LYPLA1: variants seen among roughly 807,000 people sequenced by gnomAD.
LYPLA1 encodes acyl-protein thioesterase 1.
In LYPLA1, 17 loss-of-function variants were observed where a neutral mutation model predicts 34.0. The observed-to-expected ratio is 0.50, with a 90% CI of 0.34 to 0.75. The LOEUF (loss-of-function observed/expected upper bound fraction) is 0.75, where lower values mean the gene tolerates loss of function less well. Ranked by LOEUF, LYPLA1 falls within the 30% of genes least tolerant of loss-of-function variation. The pLI, the probability that LYPLA1 is intolerant of heterozygous loss-of-function variation, is 0.01. For synonymous variants in LYPLA1, 98 were observed against 100.8 expected, an observed-to-expected ratio of 0.97 and a Z score of 0.17; for missense variants, 203 against 288.8, an observed-to-expected ratio of 0.70 and a Z score of 2.15.
chr8:54,063,408 A>G (rs752182705), intron 3 of LYPLA1, 33 bp from the exon 4 acceptor site: 55 of 1,349,192 alleles, frequency 4.1e-5, no homozygotes, highest in Non-Finnish European at 5.6e-5. Flanking sequence ...CAAAATCAGA[A>G]TAACAAAGCA....
rs527926283 is a variant in LYPLA1, at chr8:54,081,727, T to G, written c.102-15914A>C. ...ACTGCGCCCAGCCTTTCTTTTCGTT[T>G]TTTTTTTTTTTGAGACAGAGTTCTG... On this transcript the variant is annotated intron_variant, in intron 2 of 8. Coordinates refer to ENST00000316963, the MANE Select transcript of LYPLA1 (RefSeq NM_006330.4). Among the ~76,000 whole-genome samples, 3 of 150,858 alleles carry G rather than the reference T, an allele frequency of 2.0e-5. No homozygotes were observed. In the East Asian group the frequency reaches 5.9e-4, roughly 30 times the overall value.
intron 8 of LYPLA1, among the ~76,000 whole-genome samples, chr8:54,050,246 T>C (rs2129322266): frequency 6.6e-6 from 1 of 152,346 alleles, no homozygotes; most frequent in East Asian, 1.9e-4. Context: ...TCTAAAACTG[T>C]TTCTTGCACC....
intron 2 of LYPLA1, among the ~76,000 whole-genome samples, chr8:54,079,529 G>A (rs977480734): frequency 3.9e-5 from 6 of 152,176 alleles, no homozygotes; most frequent in Admixed American, 2.6e-4. Flanking sequence ...TAGACTGGGT[G>A]CAGTGGCTCA....
At chr8:54,043,344 C>CG (rs1563542348), downstream of LYPLA1, 1 of 151,898 alleles carries the variant, frequency 6.6e-6, no homozygotes, top group East Asian at 1.9e-4. Flanking sequence ...GGTGTGATCT[C>CG]GGCTCACTGC....
intron 5 of LYPLA1, 72 bp downstream of exon 5, chr8:54,062,182 G>T: frequency 1.9e-6 from 2 of 1,075,508 alleles, no homozygotes; most frequent in Non-Finnish European, 2.8e-6. Context: ...TTAACCAGTA[G>T]CGATATGATT....
In LYPLA1 at chr8:54,092,216, A is replaced by G. The variant is rs930957781; in HGVS notation, c.101+8692T>C. 4.1e-5 allele frequency among the ~76,000 whole-genome samples: 6 copies of G among 147,116 alleles called. No homozygotes were observed. In the South Asian group the frequency reaches 6.6e-4, roughly 16 times the overall value. On this transcript the variant is annotated intron_variant, in intron 2 of 8. Coordinates refer to ENST00000316963, the MANE Select transcript of LYPLA1 (RefSeq NM_006330.4). The stretch of plus-strand genomic sequence containing the variant: ...GAGGAGGAGGAGAAAGACGGAAGAG[A>G]AGGAGGAGGAGGAGGAGAAGGAGAA...
intron 2 of LYPLA1, among the ~76,000 whole-genome samples, chr8:54,081,726 T>TC (rs1160129298): frequency 7.5e-6 from 1 of 133,148 alleles, no homozygotes; most frequent in East Asian, 2.0e-4. Context: ...TTCTTTTCGT[T>TC]TTTTTTTTTT....
intron 2 of LYPLA1, among the ~76,000 whole-genome samples, chr8:54,078,574 G>A (rs922720713): frequency 1.2e-4 from 19 of 152,312 alleles, no homozygotes; most frequent in African/African-American, 3.8e-4. Context: ...AAGTCAAGGC[G>A]CATCTATATT....
intron 2 of LYPLA1, among the ~76,000 whole-genome samples, chr8:54,097,859 T>C (rs1809810439): frequency 1.3e-5 from 2 of 152,336 alleles, no homozygotes; most frequent in African/African-American, 4.8e-5. Flanking sequence ...AAAACAATTA[T>C]AACAATATGA....
intron 2 of LYPLA1, among the ~76,000 whole-genome samples, chr8:54,078,878 ACCCC>A (rs76436990): frequency 7.1e-6 from 1 of 141,702 alleles, no homozygotes; most frequent in African/African-American, 2.9e-5. Context: ...ATGTTCAACA[ACCCC>A]CCCCCTTTTT....
intron 2 of LYPLA1, among the ~76,000 whole-genome samples, chr8:54,098,258 C>T (rs980410228): frequency 6.6e-6 from 1 of 151,588 alleles, no homozygotes; most frequent in African/African-American, 2.4e-5. Context: ...AACAGTTGAC[C>T]TGATAACCCA....
intron 8 of LYPLA1, among the ~76,000 whole-genome samples, chr8:54,049,303 A>G (rs1698128192): frequency 6.6e-6 from 1 of 152,208 alleles, no homozygotes; most frequent in Non-Finnish European, 1.5e-5. Flanking sequence ...CCTTCATTCT[A>G]TCAAGTGATC....
At chr8:54,052,064 T>A (rs901996151) in intron 7 of LYPLA1, among the ~76,000 whole-genome samples, 5 of 151,520 alleles carry the variant, frequency 3.3e-5, no homozygotes, top group African/African-American at 1.2e-4. Flanking sequence ...TTGGCCAGGC[T>A]GGTCTTGAAC....
At position 54,046,744 on chromosome 8, in the gene LYPLA1, G is replaced by C. The variant is rs187504210; in HGVS notation, c.*1321C>G. 1.4e-3 allele frequency: 209 copies of C among 152,282 alleles called. No individual in the cohort carries two copies. Among genetic ancestry groups the C allele is most frequent in the African/African-American group, 3.7e-3 (155 of 41,544 alleles). The allele number at this position is 152,282 out of a possible 1,614,324, so 9.4% of individuals were successfully genotyped here. On this transcript the variant is annotated 3_prime_UTR_variant, in exon 9 of 9. Transcript: ENST00000316963. Reference sequence around the variant, plus strand: ...TGAGAAATATCAAGCATACATTTTTGCTACATATTAATCTGTATGGTAACT... The same window carrying C: ...TGAGAAATATCAAGCATACATTTTTCCTACATATTAATCTGTATGGTAACT...
intron 6 of LYPLA1, chr8:54,053,656 T>A: frequency 2.2e-6 from 1 of 456,318 alleles, no homozygotes; most frequent in Non-Finnish European, 4.4e-6. Flanking sequence ...AGTCACTCTC[T>A]GTGTGGCTAC....
At chr8:54,079,770 G>A (rs1177910733) in intron 2 of LYPLA1, among the ~76,000 whole-genome samples, 3 of 151,980 alleles carry the variant, frequency 2.0e-5, no homozygotes. Flanking sequence ...ACTCCAGCCT[G>A]GGCAACAGAC....
intron 2 of LYPLA1, among the ~76,000 whole-genome samples, chr8:54,067,565 A>G (rs1807156932): frequency 6.6e-6 from 1 of 152,164 alleles, no homozygotes; most frequent in Admixed American, 6.6e-5. Flanking sequence ...GGATCATGTT[A>G]TACATATAGT....
chr8:54,088,868 T>C (rs1001169302), intron 2 of LYPLA1, among the ~76,000 whole-genome samples: 4 of 152,230 alleles, frequency 2.6e-5, no homozygotes, highest in Non-Finnish European at 5.9e-5. Flanking sequence ...CATGACACCA[T>C]GCTCAGCTAA....
At chr8:54,078,887 C>CT (rs745516578) in intron 2 of LYPLA1, among the ~76,000 whole-genome samples, 2,307 of 149,144 alleles carry the variant, frequency 0.015, 36 homozygotes, top group Admixed American at 0.026. Context: ...AACCCCCCCC[C>CT]TTTTTTTTTG....
Sources: gnomAD v4.1 joint callset for allele counts (sites outside exome capture counted in the v4.1 genomes callset) on GRCh38, gnomAD v4.1.1 for gene constraint, MANE v1.5 for transcripts, NCBI Gene and HGNC (gene_info 2026-07-23, HGNC 2026-07-21) for gene names.